Variants in KYAT1 observed in about 807,000 individuals in gnomAD.
KYAT1 encodes kynurenine aminotransferase 1.
A neutral mutation model predicts 52.4 loss-of-function variants in KYAT1; 47 were observed. The ratio of observed to expected loss-of-function variants is 0.90; its 90% confidence interval spans 0.71 to 1.14. The LOEUF is 1.14. Ranked by LOEUF, KYAT1 falls within the 50% of genes most tolerant of loss-of-function variation. KYAT1 has a pLI of 0.00. For missense variants in KYAT1, 480 were observed against 557.9 expected (o/e 0.86, Z 1.41); for synonymous variants, 212 against 209.6 (o/e 1.01, Z -0.10).
chr9:128,842,127 A>G, intron 3 of KYAT1: 1 of 361,936 alleles, frequency 2.8e-6, no homozygotes, highest in Non-Finnish European at 5.7e-6. Flanking sequence ...GGCAGGGTCA[A>G]GGCTGCAGTG....
rs1589632311 is a variant in KYAT1 at position 128,838,365 on chromosome 9, A to C, written c.204T>G (p.Gly68=). ...CCAGGATCTTCGTCAGTGGTGGGTA[A>C]CCCTGCCAGGACAGCAGGGGTTAAC... ...FMLNQYTKTF[G]YPPLTKILAS... Residue 68 remains glycine, a splice_region_variant and synonymous_variant, in exon 4 of 13, where the codon GGT becomes GGG. Transcript: ENST00000302586. The C allele has an allele frequency of 1.2e-6, 2 of 1,613,942 alleles. No homozygotes were observed. Among genetic ancestry groups the C allele is most frequent in the Non-Finnish European group, 1.7e-6 (2 of 1,180,006 alleles).
intron 1 of KYAT1, among the ~76,000 whole-genome samples, chr9:128,868,925 C>T (rs970418713): frequency 2.0e-5 from 3 of 151,404 alleles, no homozygotes; most frequent in East Asian, 4.0e-4. Context: ...AGGATGGTCT[C>T]GATCTCCTGA....
rs75664372 is a variant in KYAT1 at position 128,843,029 on chromosome 9, T to C, written c.54-228A>G. ...TAAAAATACAAAAGTTAGTCAGGCA[T>C]GGTGGCAGGGGCCTGTAATCCCAGC... On this transcript the variant is annotated intron_variant, in intron 2 of 12. Transcript: ENST00000302586. Among the ~76,000 whole-genome samples the C allele has an allele frequency of 8.7e-3, 1,317 of 152,216 alleles. 17 individuals are homozygous for C. Among genetic ancestry groups the C allele is most frequent in the African/African-American group, 0.03 (1,261 of 41,532 alleles).
intron 1 of KYAT1, among the ~76,000 whole-genome samples, chr9:128,850,623 G>A (rs997858965): frequency 9.9e-5 from 15 of 152,138 alleles, no homozygotes; most frequent in Non-Finnish European, 1.8e-4. Flanking sequence ...ATATGGCCTC[G>A]TGGGATGAGA....
upstream of KYAT1, chr9:128,882,495 C>T: frequency 5.1e-6 from 2 of 388,694 alleles, no homozygotes; most frequent in Non-Finnish European, 9.1e-6. Context: ...CACCCCTGTG[C>T]CTCCTTGTGC....
intron 1 of KYAT1, among the ~76,000 whole-genome samples, chr9:128,871,486 AGGACT>A (rs1433978288): frequency 1.3e-5 from 2 of 152,106 alleles, no homozygotes; most frequent in East Asian, 3.9e-4. Flanking sequence ...CCGAGGCAGG[AGGACT>A]GGAGCTCAGG....
Position 128,865,359 on chromosome 9 carries a change from A to ATTTTTTTTTTTT in KYAT1, c.-7+16526_-7+16537dup, listed in dbSNP as rs776787253. On this transcript the variant is annotated intron_variant, in intron 1 of 12. Coordinates refer to ENST00000302586, the MANE Select transcript of KYAT1 (RefSeq NM_004059.5). The stretch of plus-strand genomic sequence containing the variant: ...TATATATATATATATATATATATAT[A>ATTTTTTTTTTTT]TTTTTTTTTTTTTTTTTTTTGAGAC... 2.2e-4 allele frequency among the ~76,000 whole-genome samples: 6 copies of ATTTTTTTTTTTT among 27,316 alleles called. 1 individual carries two copies. Among genetic ancestry groups the ATTTTTTTTTTTT allele is most frequent in the African/African-American group, 1.4e-3 (4 of 2,962 alleles). The allele number at this position is 27,316 out of a possible 152,430, so 17.9% of individuals were successfully genotyped here.
Position 128,845,423 on chromosome 9 carries a change from C to T in KYAT1, c.-6-12G>A. The stretch of plus-strand genomic sequence containing the variant: ...TTGGCCATGGCGAGCTGGAGACGAA[C>T]AAGTGGAAGGTCAGAGATGGAATCT... On this transcript the variant is annotated splice_polypyrimidine_tract_variant and intron_variant, in intron 1 of 12. Transcript: ENST00000302586. The T allele has an allele frequency of 6.2e-7, 1 of 1,613,432 alleles. No individual in the cohort carries two copies. The highest frequency in any genetic ancestry group is 8.5e-7 in the Non-Finnish European group (1 of 1,179,890).
chr9:128,878,831 A>C (rs896791234), intron 1 of KYAT1, among the ~76,000 whole-genome samples: 1 of 152,148 alleles, frequency 6.6e-6, no homozygotes, highest in African/African-American at 2.4e-5. Context: ...ACTCCCATAC[A>C]TTAAAGGAAC....
chr9:128,860,920 C>T (rs996561248), intron 1 of KYAT1, among the ~76,000 whole-genome samples: 3 of 152,066 alleles, frequency 2.0e-5, no homozygotes, highest in African/African-American at 7.2e-5. Context: ...TTCCCCAAAA[C>T]AAGCACAATA....
chr9:128,866,377 A>G (rs905451942), intron 1 of KYAT1, among the ~76,000 whole-genome samples: 5 of 152,180 alleles, frequency 3.3e-5, no homozygotes, highest in Non-Finnish European at 7.4e-5. Context: ...AGGCAGGCGG[A>G]TCACCTGAGG....
At chr9:128,847,651 TAAC>T (rs3834884) in intron 1 of KYAT1, 10,542 of 546,242 alleles carry the variant, frequency 0.019, 179 homozygotes, top group African/African-American at 0.076. Context: ...GCTCTAACAA[TAAC>T]AACAACAACA....
intron 1 of KYAT1, among the ~76,000 whole-genome samples, chr9:128,847,140 C>T (rs921298008): frequency 9.9e-5 from 15 of 152,106 alleles, no homozygotes; most frequent in African/African-American, 2.2e-4. Context: ...GGAACCCCAC[C>T]GCGCCTGGCT....
chr9:128,833,996 G>A (rs1393550450), intron 11 of KYAT1, among the ~76,000 whole-genome samples, 170 bp from the exon 12 acceptor site: 1 of 152,232 alleles, frequency 6.6e-6, no homozygotes, highest in African/African-American at 2.4e-5. Flanking sequence ...GGTGGCTCAC[G>A]CCTATAATCC....
Position 128,869,075 on chromosome 9 carries a change from C to T in KYAT1, c.-7+12822G>A, listed in dbSNP as rs574607559. Among the ~76,000 whole-genome samples, 19 of 152,096 alleles carry T rather than the reference C, an allele frequency of 1.2e-4. No individual in the cohort carries two copies. The South Asian group carries it at 2.7e-3, about 22-fold the overall frequency. On this transcript the variant is annotated intron_variant, in intron 1 of 12. Coordinates refer to ENST00000302586, the MANE Select transcript of KYAT1 (RefSeq NM_004059.5). ...GGCTGGTCTCAAATTTCTGGACTCACGCAATACAAAGGCCTTGGCCTCCCA... is the reference window on the plus strand; with the variant it reads ...GGCTGGTCTCAAATTTCTGGACTCATGCAATACAAAGGCCTTGGCCTCCCA...
intron 1 of KYAT1, among the ~76,000 whole-genome samples, chr9:128,878,636 T>C (rs1337552478): frequency 1.3e-5 from 2 of 152,148 alleles, no homozygotes; most frequent in African/African-American, 4.8e-5. Flanking sequence ...ATCTAACAAT[T>C]GCGTCACTCA....
chr9:128,835,400 T>C lies in KYAT1; in HGVS notation c.1045A>G (p.Arg349Gly), dbSNP rs146402491. The C allele has an allele frequency of 8.1e-5, 130 of 1,614,020 alleles. No individual in the cohort carries two copies. In the Middle Eastern group the frequency reaches 1.5e-3, roughly 18 times the overall value. Residue 349 changes from arginine (R) to glycine (G), a missense_variant and splice_region_variant, in exon 11 of 13, where the codon AGG becomes GGG. Coordinates refer to ENST00000302586, the MANE Select transcript of KYAT1 (RefSeq NM_004059.5). ...FLITDISDFK[R>G]KMPDLPGAVD... ...GCTCCAGGCAAGTCAGGCATCTTCC[T>C]CTCTGGGAGACAGAGGCCACACTGA...
chr9:128,867,481 A>T (rs1836566975), intron 1 of KYAT1, among the ~76,000 whole-genome samples: 2 of 152,074 alleles, frequency 1.3e-5, no homozygotes, highest in African/African-American at 4.8e-5. Flanking sequence ...ACCCAGCCCT[A>T]AAAGCTGATC....
At chr9:128,846,714 C>G (rs1833160346) in intron 1 of KYAT1, 2 of 1,534,708 alleles carry the variant, frequency 1.3e-6, no homozygotes, top group East Asian at 4.9e-5. Context: ...TAATTTGGCT[C>G]CTCCTGTCCT....
Sources: allele counts gnomAD v4.1 joint callset (sites outside exome capture counted in the v4.1 genomes callset), GRCh38; gene constraint gnomAD v4.1.1; transcripts MANE v1.5; gene names NCBI Gene and HGNC (gene_info 2026-07-23, HGNC 2026-07-21).